The following IAH1 variants were observed in gnomAD, a reference collection of about 807,000 sequenced individuals.
The protein encoded by IAH1 is isoamyl acetate-hydrolyzing esterase 1 homolog.
In IAH1, 24 loss-of-function variants were observed where a neutral mutation model predicts 26.7. The ratio of observed to expected loss-of-function variants is 0.90; its 90% CI spans 0.65 to 1.26. The LOEUF (loss-of-function observed/expected upper bound fraction) is 1.26, where lower values mean the gene tolerates loss of function less well. Ranked by LOEUF, IAH1 falls within the 50% of genes most tolerant of loss-of-function variation. The probability of loss-of-function intolerance (pLI) is 0.00; values close to 1 mark genes in which losing one functional copy is unlikely to be tolerated. For synonymous variants in IAH1, 140 were observed against 118.5 expected, an observed-to-expected ratio of 1.18 and a Z score of -1.18; for missense variants, 300 against 299.9, an observed-to-expected ratio of 1.00 and a Z score of 0.00.
chr2:9,493,809 C>T (rs777431052), downstream of IAH1: 35 of 1,613,738 alleles, frequency 2.2e-5, no homozygotes, highest in South Asian at 6.6e-5. Flanking sequence ...ATCCTGTACT[C>T]GTTTCTCACA....
intron 5 of IAH1, among the ~76,000 whole-genome samples, chr2:9,487,713 CTG>C (rs1483555008): frequency 6.6e-6 from 1 of 152,032 alleles, no homozygotes; most frequent in Non-Finnish European, 1.5e-5. Flanking sequence ...GGTGATATTT[CTG>C]TCGCAGGGCC....
chr2:9,475,223 T>TA, intron 1 of IAH1: 1 of 1,287,264 alleles, frequency 7.8e-7, no homozygotes, highest in East Asian at 5.6e-5. Flanking sequence ...TGCAGGTTCT[T>TA]ACTTCGGGGA....
At chr2:9,474,548 C>T (rs769786253), upstream of IAH1, 5 of 1,443,878 alleles carry the variant, frequency 3.5e-6, no homozygotes, top group Non-Finnish European at 4.6e-6. The surrounding 1 kb of genome is among the most constrained non-coding windows in gnomAD (Gnocchi z 4.3). Flanking sequence ...GGCCCCGCCC[C>T]GCCCCGCCCG....
the IAH1 span, chr2:9,505,146 C>T: frequency 6.2e-7 from 1 of 1,613,682 alleles, no homozygotes; most frequent in Non-Finnish European, 8.5e-7. Flanking sequence ...TCCCAAAATC[C>T]CTGTGGAGAG....
chr2:9,482,640 C>T (rs1661252833), intron 4 of IAH1, among the ~76,000 whole-genome samples: 1 of 152,200 alleles, frequency 6.6e-6, no homozygotes, highest in Non-Finnish European at 1.5e-5. Context: ...AGTGTGACTT[C>T]ACAGCTCAAG....
Position 9,488,173 on chromosome 2 carries a change from A to G in IAH1, c.591A>G (p.Gly197=). Residue 197 remains glycine, a synonymous_variant, in exon 6 of 6, where the codon GGA becomes GGG. Coordinates refer to ENST00000497473, the MANE Select transcript of IAH1 (RefSeq NM_001039613.3). ...SQDFSSYLSD[G]LHLSPKGNEF... is the part of the protein sequence containing the mutation. ...ACTTCTCATCTTATTTATCAGATGG[A>G]CTACATTTGTCTCCAAAGGGGAATG... The G allele has an allele frequency of 6.2e-7, 1 of 1,610,156 alleles. No homozygotes were observed. Among genetic ancestry groups the G allele is most frequent in the Non-Finnish European group, 8.5e-7 (1 of 1,178,868 alleles).
rs1682382785 is a variant in IAH1, at chr2:9,474,855, C to T, written c.81+208C>T. On this transcript the variant is annotated intron_variant, in intron 1 of 5. Coordinates refer to ENST00000497473, the MANE Select transcript of IAH1 (RefSeq NM_001039613.3). This position sits in a 1 kb window ranked among gnomAD's most constrained non-coding sequence, Gnocchi z 4.3. Reference sequence around the variant, plus strand: ...GCGTCCCGGAGGTCACGACGGCGTCCGCGAGAGCCCGGGCTCCAGGCACAG... The same window carrying T: ...GCGTCCCGGAGGTCACGACGGCGTCTGCGAGAGCCCGGGCTCCAGGCACAG... 3 of 518,634 alleles carry T rather than the reference C, an allele frequency of 5.8e-6. No individual in the cohort carries two copies. The highest frequency in any genetic ancestry group is 8.9e-6 in the Non-Finnish European group (3 of 338,014). The allele number at this position is 518,634 out of a possible 1,614,324, so 32.1% of individuals were successfully genotyped here.
intron 5 of IAH1, among the ~76,000 whole-genome samples, chr2:9,487,253 G>GTATC (rs1196505217): frequency 4.6e-5 from 7 of 152,040 alleles, no homozygotes; most frequent in Admixed American, 3.3e-4. Context: ...AAAAATATGT[G>GTATC]TATCTTTTTA....
chr2:9,491,916 T>C (rs979367629), downstream of IAH1, among the ~76,000 whole-genome samples: 27 of 152,322 alleles, frequency 1.8e-4, no homozygotes, highest in Admixed American at 1.4e-3. Context: ...CATCCTCCAA[T>C]AGAAGCAATC....
At position 9,478,301 on chromosome 2, in the gene IAH1, A is replaced by G. The variant is rs1192809116; in HGVS notation, c.214A>G (p.Lys72Glu). The G allele has an allele frequency of 2.5e-6, 4 of 1,613,514 alleles. No homozygotes were observed. The highest frequency in any genetic ancestry group is 3.3e-5 in the Admixed American group (2 of 59,956). ...AKIILPRLIR[K>E]GNSLDIPVAV... ...AATTATCCTTCCAAGATTAATCAGG[A>G]AAGGAAACAGTTTGGACATCCCAGT... The change falls in exon 3 of 6, where the codon AAA (lysine) becomes GAA (glutamate). Residue 72 changes from lysine to glutamate, a missense_variant. Transcript: ENST00000497473.
chr2:9,505,730 G>C, the IAH1 span: 11 of 242,946 alleles, frequency 4.5e-5, no homozygotes, highest in Non-Finnish European at 6.5e-5. Context: ...CTCACCTCAG[G>C]CATGCCACTC....
At chr2:9,493,566 G>A (rs1039535900), downstream of IAH1, among the ~76,000 whole-genome samples, 3 of 152,160 alleles carry the variant, frequency 2.0e-5, no homozygotes, top group African/African-American at 4.8e-5. Flanking sequence ...CAAGCTCCAC[G>A]GGGACAGACT....
the IAH1 span, chr2:9,505,198 G>A: frequency 6.2e-6 from 10 of 1,614,034 alleles, no homozygotes; most frequent in Non-Finnish European, 7.6e-6. Context: ...ACGTGCAGTC[G>A]CTGTTGCAGC....
the IAH1 span, among the ~76,000 whole-genome samples, chr2:9,507,498 C>A: frequency 4.9e-4 from 75 of 152,090 alleles, no homozygotes; most frequent in African/African-American, 1.8e-3. Context: ...TGAGACTCCA[C>A]TCAAAAAATC....
chr2:9,509,002 GA>G, the IAH1 span, among the ~76,000 whole-genome samples: 20 of 149,198 alleles, frequency 1.3e-4, no homozygotes, highest in Non-Finnish European at 2.5e-4. Context: ...AAAAAAAAAT[GA>G]GATGCAACAA....
rs1385873238 is a variant in IAH1, at chr2:9,481,269, A to T, written c.284-17A>T. 5.0e-6 allele frequency: 8 copies of T among 1,613,430 alleles called. No homozygotes were observed. The highest frequency in any genetic ancestry group is 2.7e-5 in the African/African-American group (2 of 74,908). On this transcript the variant is annotated splice_polypyrimidine_tract_variant and intron_variant, in intron 3 of 5. Transcript: ENST00000497473. ...ATAAATATGCATCTGGTGAGGACTCATGTTTCTCTTGAGCAGATGAGAATC... is the reference window on the plus strand; with the variant it reads ...ATAAATATGCATCTGGTGAGGACTCTTGTTTCTCTTGAGCAGATGAGAATC...
In IAH1 at chr2:9,488,388, T is replaced by C. The variant is rs1558486456; in HGVS notation, c.*59T>C. On this transcript the variant is annotated 3_prime_UTR_variant, in exon 6 of 6. Transcript: ENST00000497473. Reference sequence around the variant, plus strand: ...TACAGAACTCAAAGTTGTCAATACGTAGAGGTACGCTTTTTTCCTCAGGCT... The same window carrying C: ...TACAGAACTCAAAGTTGTCAATACGCAGAGGTACGCTTTTTTCCTCAGGCT... 1 of 1,351,278 alleles carries C rather than the reference T, an allele frequency of 7.4e-7. No homozygotes were observed. The highest frequency in any genetic ancestry group is 1.0e-6 in the Non-Finnish European group (1 of 992,028). 83.7% of individuals were successfully genotyped at this position (1,351,278 alleles called of 1,614,324 possible).
chr2:9,476,865 G>A (rs529121978), intron 2 of IAH1, among the ~76,000 whole-genome samples: 7 of 152,282 alleles, frequency 4.6e-5, no homozygotes, highest in African/African-American at 7.2e-5. Context: ...GGATGTATAC[G>A]TGCAGGTAAC....
Position 9,488,389 on chromosome 2 carries a change from A to T in IAH1, c.*60A>T. On this transcript the variant is annotated 3_prime_UTR_variant, in exon 6 of 6. Coordinates refer to ENST00000497473, the MANE Select transcript of IAH1 (RefSeq NM_001039613.3). ...ACAGAACTCAAAGTTGTCAATACGT[A>T]GAGGTACGCTTTTTTCCTCAGGCTT... 1 of 1,345,910 alleles carries T rather than the reference A, an allele frequency of 7.4e-7. No homozygotes were observed. The highest frequency in any genetic ancestry group is 1.0e-6 in the Non-Finnish European group (1 of 987,652). 83.4% of individuals were successfully genotyped at this position (1,345,910 alleles called of 1,614,324 possible).
Sources: gnomAD v4.1 joint callset for allele counts (sites outside exome capture counted in the v4.1 genomes callset) on GRCh38, gnomAD v4.1.1 for gene constraint, Gnocchi (gnomAD v3.1) non-coding constraint, MANE v1.5 for transcripts, NCBI Gene and HGNC (gene_info 2026-07-23, HGNC 2026-07-21) for gene names.